The following CCDC137 variants were observed in gnomAD, a reference collection of about 807,000 sequenced individuals.
CCDC137 encodes the protein coiled-coil domain-containing protein 137.
Under a neutral mutation model 30.4 loss-of-function variants are expected in CCDC137, and 24 were observed. The observed-to-expected ratio is 0.79, with a 90% CI of 0.57 to 1.11. CCDC137 has a LOEUF of 1.11. Among genes scored for constraint, CCDC137 ranks in the 50% least tolerant of loss-of-function variants. CCDC137 has a pLI of 0.00. For synonymous variants in CCDC137, 182 were observed against 155.7 expected, an observed-to-expected ratio of 1.17 and a Z score of -1.26; for missense variants, 417 against 380.4, an observed-to-expected ratio of 1.10 and a Z score of -0.80.
chr17:81,668,091 G>T (rs1477320600), intron 2 of CCDC137, among the ~76,000 whole-genome samples: 1 of 152,174 alleles, frequency 6.6e-6, no homozygotes, highest in Non-Finnish European at 1.5e-5. Flanking sequence ...CCCGTTATGG[G>T]GCCTCAGGAT....
Position 81,672,563 on chromosome 17 carries a change from C to A in CCDC137, c.729C>A (p.Ala243=). The A allele has an allele frequency of 6.3e-7, 1 of 1,574,858 alleles. No homozygotes were observed. The highest frequency in any genetic ancestry group is 8.6e-7 in the Non-Finnish European group (1 of 1,160,412). The change falls in exon 6 of 6, where the codon GCC becomes GCA. Residue 243 remains alanine (A), a synonymous_variant. Coordinates refer to ENST00000329214, the MANE Select transcript of CCDC137 (RefSeq NM_199287.3). ...GTGGTGTGTCCCAGCCTCTGACCGC[C>A]TCCCTGGCCCGCCAGCGGATTGTGG... The part of the protein sequence containing the change: ...SPGGVSQPLT[A]SLARQRIVEE...
intron 3 of CCDC137, among the ~76,000 whole-genome samples, chr17:81,671,251 C>T (rs990351427): frequency 5.9e-5 from 9 of 152,194 alleles, no homozygotes; most frequent in African/African-American, 1.7e-4. Flanking sequence ...AAGTTCATCA[C>T]AGAGAACGTG....
At chr17:81,668,688 C>CTTTG (rs142121605) in intron 2 of CCDC137, among the ~76,000 whole-genome samples, 1 of 152,004 alleles carries the variant, frequency 6.6e-6, no homozygotes, top group Non-Finnish European at 1.5e-5. Flanking sequence ...GAATTGGCAC[C>CTTTG]TTTGTTTGTT....
At position 81,672,482 on chromosome 17, in the gene CCDC137, C is replaced by G; in HGVS notation, c.661-13C>G. On this transcript the variant is annotated splice_polypyrimidine_tract_variant and intron_variant, in intron 5 of 5. Transcript: ENST00000329214. ...TTCCCAGCCTGTGCCTCACCCTCCC[C>G]TCTCTCCCTCAGCCTGGCAGGAGAT... 1 of 1,517,438 alleles carries G rather than the reference C, an allele frequency of 6.6e-7. No homozygotes were observed. The highest frequency in any genetic ancestry group is 8.9e-7 in the Non-Finnish European group (1 of 1,120,644). 94.0% of individuals were successfully genotyped at this position (1,517,438 alleles called of 1,614,324 possible). A position where few individuals can be genotyped will look rare whatever the true frequency, so the allele number is the denominator to read the frequency against.
At chr17:81,669,704 C>G (rs989486369) in intron 2 of CCDC137, among the ~76,000 whole-genome samples, 1 of 152,174 alleles carries the variant, frequency 6.6e-6, no homozygotes, top group Non-Finnish European at 1.5e-5. Flanking sequence ...GGACTACAGG[C>G]GCCCACCACC....
chr17:81,667,912 C>A (rs188754563), intron 2 of CCDC137, 50 bp downstream of exon 2: 1 of 1,587,332 alleles, frequency 6.3e-7, no homozygotes, highest in Admixed American at 1.8e-5. Flanking sequence ...GTGTCTCAAC[C>A]CGCCCAATCG....
chr17:81,671,130 C>CA (rs939104975), intron 3 of CCDC137, among the ~76,000 whole-genome samples: 1 of 129,626 alleles, frequency 7.7e-6, no homozygotes, highest in East Asian at 2.3e-4. Flanking sequence ...GACTCCATCT[C>CA]AAAAAAAAGA....
At position 81,672,115 on chromosome 17, in the gene CCDC137, A is replaced by G. The variant is rs183627821; in HGVS notation, c.620A>G (p.Glu207Gly). Residue 207 changes from glutamate (E) to glycine (G), a missense_variant, in exon 5 of 6, where the codon GAG becomes GGG. Coordinates refer to ENST00000329214, the MANE Select transcript of CCDC137 (RefSeq NM_199287.3). ...KFGEVVLQPP[E>G]LTARPQRSVS... is the part of the protein sequence containing the mutation. ...GGTGAGGTTGTCCTGCAGCCCCCAGAGCTGACTGCCAGGCCCCAGAGGAGC... is the reference window on the plus strand; with the variant it reads ...GGTGAGGTTGTCCTGCAGCCCCCAGGGCTGACTGCCAGGCCCCAGAGGAGC... 2.5e-6 allele frequency: 4 copies of G among 1,614,054 alleles called. No homozygotes were observed. The highest frequency in any genetic ancestry group is 4.5e-5 in the East Asian group (2 of 44,874).
rs993276730 is a variant in CCDC137 at position 81,672,705 on chromosome 17, T to C, written c.*1T>C. The C allele has an allele frequency of 1.9e-6, 3 of 1,576,332 alleles. No homozygotes were observed. In the African/African-American group the frequency reaches 4.0e-5, roughly 21 times the overall value. Reference sequence around the variant, plus strand: ...GAAGAAGCCAGAGCCGCAGCTGTGATGGAGAGACACCCGGGGCCTGGCCAC... The same window carrying C: ...GAAGAAGCCAGAGCCGCAGCTGTGACGGAGAGACACCCGGGGCCTGGCCAC... On this transcript the variant is annotated 3_prime_UTR_variant, in exon 6 of 6. Transcript: ENST00000329214.
In CCDC137 at chr17:81,666,837, G is replaced by A. The variant is rs552611249; in HGVS notation, c.71G>A (p.Arg24Gln). Reference sequence around the variant, plus strand: ...GGTCCTGGGAGTCCCCGGCGAGCGCGGGGGCGGCAGCAAGTGCAGCCGCTG... The same window carrying A: ...GGTCCTGGGAGTCCCCGGCGAGCGCAGGGGCGGCAGCAAGTGCAGCCGCTG... ...QAGPGSPRRA[R>Q]GRQQVQPLGK... Residue 24 changes from arginine to glutamine, a missense_variant, in exon 1 of 6, where the codon CGG (arginine) becomes CAG (glutamine). Transcript: ENST00000329214. 1.8e-4 allele frequency: 238 copies of A among 1,344,032 alleles called. No homozygotes were observed. Among genetic ancestry groups the A allele is most frequent in the South Asian group, 1.2e-3 (63 of 51,656 alleles). 83.3% of individuals were successfully genotyped at this position (1,344,032 alleles called of 1,614,324 possible).
Position 81,672,149 on chromosome 17 carries a change from G to A in CCDC137, c.654G>A (p.Lys218=), listed in dbSNP as rs761134731. The change falls in exon 5 of 6, where the codon AAG becomes AAA. Residue 218 remains lysine (K), a synonymous_variant. Coordinates refer to ENST00000329214, the MANE Select transcript of CCDC137 (RefSeq NM_199287.3). ...LTARPQRSVS[K]DQPGRRSQML... ...CCAGGCCCCAGAGGAGCGTAAGCAAGGACCAGGTAAGTGGGGCACGGGGAC... is the reference window on the plus strand; with the variant it reads ...CCAGGCCCCAGAGGAGCGTAAGCAAAGACCAGGTAAGTGGGGCACGGGGAC... 19 of 1,614,004 alleles carry A rather than the reference G, an allele frequency of 1.2e-5. No homozygotes were observed. Among genetic ancestry groups the A allele is most frequent in the Non-Finnish European group, 1.6e-5 (19 of 1,179,924 alleles).
rs753648466 is a variant in CCDC137, at chr17:81,672,604, G to A, written c.770G>A (p.Arg257Gln). The A allele has an allele frequency of 1.1e-5, 17 of 1,588,310 alleles. No individual in the cohort carries two copies. The East Asian group carries it at 1.8e-4, about 17-fold the overall frequency. The change falls in exon 6 of 6, where the codon CGG becomes CAG. Residue 257 changes from arginine (R) to glutamine (Q), a missense_variant. Transcript: ENST00000329214. ...CGGATTGTGGAGGAGGAGAGAGAGC[G>A]GGCCGTGCAGGCCTACAGAGCGTTG... Reference protein sequence around the residue: ...RQRIVEEERERAVQAYRALKQ... With the variant: ...RQRIVEEEREQAVQAYRALKQ...
In CCDC137 at chr17:81,667,856, A is replaced by C. The variant is rs763421930; in HGVS notation, c.262A>C (p.Lys88Gln). Reference sequence around the variant, plus strand: ...CCCGATCAGTAACAAGAAGAGGAAGAAAGCAGGTGTGTGCAGGCCCATACT... The same window carrying C: ...CCCGATCAGTAACAAGAAGAGGAAGCAAGCAGGTGTGTGCAGGCCCATACT... ...KNPISNKKRK[K>Q]AAQVTFRKTL... Residue 88 changes from lysine to glutamine, a missense_variant, in exon 2 of 6, where the codon AAA becomes CAA. Lys to Gln is a moderately conservative substitution (Grantham distance 53). Transcript: ENST00000329214. 1.9e-6 allele frequency: 3 copies of C among 1,611,546 alleles called. No individual in the cohort carries two copies. The highest frequency in any genetic ancestry group is 1.1e-5 in the South Asian group (1 of 90,976).
At chr17:81,667,306 G>A (rs1383721543) in intron 1 of CCDC137, among the ~76,000 whole-genome samples, 4 of 150,340 alleles carry the variant, frequency 2.7e-5, no homozygotes, top group Admixed American at 2.6e-4. Flanking sequence ...TGTGGCCCCT[G>A]TATAGATAGA....
In CCDC137 at chr17:81,673,871, C is replaced by A. The variant is rs77065035; in HGVS notation, c.*1167C>A. On this transcript the variant is annotated 3_prime_UTR_variant, in exon 6 of 6. Coordinates refer to ENST00000329214, the MANE Select transcript of CCDC137 (RefSeq NM_199287.3). ...TCTGCCTTCCCCAAGTTTGCACTTT[C>A]GACATTAAAGTTTACTTTTTAGTTA... 0.018 allele frequency: 2,712 copies of A among 152,316 alleles called. 30 individuals carry two copies. The highest frequency in any genetic ancestry group is 0.024 in the Non-Finnish European group (1,664 of 68,024). 9.4% of individuals were successfully genotyped at this position (152,316 alleles called of 1,614,324 possible). A position where few individuals can be genotyped will look rare whatever the true frequency, so the allele number is the denominator to read the frequency against.
In CCDC137 at chr17:81,672,159, AGT is replaced by A; in HGVS notation, c.660+6_660+7del. 6.2e-7 allele frequency: 1 copy of A among 1,613,876 alleles called. No homozygotes were observed. The highest frequency in any genetic ancestry group is 1.1e-5 in the South Asian group (1 of 91,074). Reference sequence around the variant, plus strand: ...GAGGAGCGTAAGCAAGGACCAGGTAAGTGGGGCACGGGGACAACTTGAGTTTG... The same window carrying A: ...GAGGAGCGTAAGCAAGGACCAGGTAAGGGGCACGGGGACAACTTGAGTTTG... On this transcript the variant is annotated splice_donor_5th_base_variant and intron_variant, in intron 5 of 5. Coordinates refer to ENST00000329214, the MANE Select transcript of CCDC137 (RefSeq NM_199287.3).
intron 1 of CCDC137, 150 bp from the exon 2 acceptor site, chr17:81,667,578 CG>C (rs2036655680): frequency 2.7e-6 from 2 of 732,688 alleles, no homozygotes; most frequent in South Asian, 3.6e-5. Context: ...CCGCCCATCT[CG>C]GCCTCCCAAA....
At chr17:81,667,150 G>A (rs1469806867) in intron 1 of CCDC137, 1 of 395,696 alleles carries the variant, frequency 2.5e-6, no homozygotes, top group Non-Finnish European at 4.4e-6. Context: ...GACGAGGTCA[G>A]GGCGGAAAGG....
chr17:81,672,932 G>C lies in CCDC137; in HGVS notation c.*228G>C. ...CCCGTGGGGCCCGGTGTCACTCACA[G>C]CTCCATCTCTTTGTTTTGAACGTCC... is the stretch of plus-strand genomic sequence containing the variant. On this transcript the variant is annotated 3_prime_UTR_variant, in exon 6 of 6. Transcript: ENST00000329214. 1.8e-6 allele frequency: 1 copy of C among 563,792 alleles called. No individual in the cohort carries two copies. The highest frequency in any genetic ancestry group is 2.3e-5 in the South Asian group (1 of 43,270). The allele number at this position is 563,792 out of a possible 1,614,324, so 34.9% of individuals were successfully genotyped here. A position where few individuals can be genotyped will look rare whatever the true frequency, so the allele number is the denominator to read the frequency against.
Sources: allele counts gnomAD v4.1 joint callset (sites outside exome capture counted in the v4.1 genomes callset), GRCh38; gene constraint gnomAD v4.1.1; transcripts MANE v1.5; gene names NCBI Gene and HGNC (gene_info 2026-07-23, HGNC 2026-07-21).